UPRT: variants seen among roughly 807,000 people sequenced by gnomAD.
UPRT encodes the protein uracil phosphoribosyltransferase homolog, also known as RP11-311P8.3.
UPRT carries 5 observed loss-of-function variants against 22.6 expected under a neutral mutation model. That is an observed-to-expected ratio of 0.22 (90% CI 0.12 to 0.47). UPRT has a LOEUF of 0.47. Ranked by LOEUF, UPRT falls within the 20% of genes least tolerant of loss-of-function variation. The pLI is 0.99. For missense variants in UPRT, 181 were observed against 239.9 expected (o/e 0.75, Z 1.62); for synonymous variants, 77 against 87.7 (o/e 0.88, Z 0.68).
intron 4 of UPRT, among the ~76,000 whole-genome samples, chrX:75,191,942 C>T (rs1419010623): frequency 8.1e-5 from 9 of 111,276 alleles, no homozygotes; most frequent in South Asian, 3.9e-4. Context: ...CTTTGGCTCT[C>T]GCTTGGTGGG....
At chrX:75,288,624 C>T (rs1221200755) in intron 1 of UPRT, among the ~76,000 whole-genome samples, 1 of 111,595 alleles carries the variant, frequency 9.0e-6, no homozygotes, top group African/African-American at 3.3e-5. Context: ...TAAAGTATAC[C>T]ATCCATTTAT....
intron 1 of UPRT, among the ~76,000 whole-genome samples, chrX:75,283,044 T>C (rs2082664908): frequency 8.9e-6 from 1 of 112,224 alleles, no homozygotes; most frequent in Admixed American, 9.4e-5. Flanking sequence ...TTTGTCTTTG[T>C]TAACTGCTGT....
At chrX:75,245,494 A>G (rs917468376) in intron 4 of UPRT, among the ~76,000 whole-genome samples, 7 of 111,963 alleles carry the variant, frequency 6.3e-5, no homozygotes, top group Admixed American at 1.9e-4. Flanking sequence ...ATGCAAATTT[A>G]TGTTCACTGC....
chrX:75,259,671 G>T (rs2082561362), intron 4 of UPRT, among the ~76,000 whole-genome samples: 1 of 111,063 alleles, frequency 9.0e-6, no homozygotes, highest in African/African-American at 3.3e-5. Flanking sequence ...ATGGAAACAA[G>T]TTGGAAAACA....
At chrX:75,217,831 C>T (rs1210855936) in intron 4 of UPRT, among the ~76,000 whole-genome samples, 1 of 112,035 alleles carries the variant, frequency 8.9e-6, no homozygotes, top group Non-Finnish European at 1.9e-5. Context: ...ACTGGCTAGC[C>T]AGATGTAGAA....
chrX:75,252,634 C>T (rs181180838), intron 4 of UPRT, among the ~76,000 whole-genome samples: 56 of 111,844 alleles, frequency 5.0e-4, no homozygotes, highest in Middle Eastern at 9.1e-3. Flanking sequence ...GTCAGTGTGG[C>T]GATTCCACTA....
At chrX:75,160,770 C>A (rs2082196825) in intron 2 of UPRT, among the ~76,000 whole-genome samples, 2 of 112,113 alleles carry the variant, frequency 1.8e-5, no homozygotes, top group Non-Finnish European at 3.8e-5. Context: ...ATCAAGTGAT[C>A]CTCTTGCCTC....
At chrX:75,287,472 G>A (rs1014221687) in intron 1 of UPRT, among the ~76,000 whole-genome samples, 1 of 111,644 alleles carries the variant, frequency 9.0e-6, no homozygotes, top group African/African-American at 3.2e-5. Flanking sequence ...GTTTCATGTT[G>A]TTTTGGGTCT....
chrX:75,169,645 A>G (rs1024013573), intron 4 of UPRT, among the ~76,000 whole-genome samples: 83 of 111,971 alleles, frequency 7.4e-4, no homozygotes, highest in African/African-American at 2.6e-3. Flanking sequence ...AGTACCTGAT[A>G]TAATTTTGAT....
Position 75,253,186 on chromosome X carries a change from TATA to T in UPRT, c.-446-37827_-446-37825del, listed in dbSNP as rs1174266166. ...TGCACATGTACCCTAATACTTAAAGTATAATAATAATAAAATTTAAAAAAAGAA... is the reference window on the plus strand; with the variant it reads ...TGCACATGTACCCTAATACTTAAAGTATAATAATAAAATTTAAAAAAAGAA... On this transcript the variant is annotated intron_variant, in intron 4 of 13. Coordinates refer to the UPRT transcript ENST00000652605. Among the ~76,000 whole-genome samples the T allele has an allele frequency of 3.6e-5, 4 of 111,229 alleles. No individual in the cohort carries two copies. The Admixed American group carries it at 3.8e-4, about 11-fold the overall frequency.
chrX:75,180,068 C>A (rs990403989), intron 4 of UPRT, among the ~76,000 whole-genome samples: 1 of 112,711 alleles, frequency 8.9e-6, no homozygotes, highest in Admixed American at 9.3e-5. Flanking sequence ...ACTGCCAGCA[C>A]GCTGTCACCT....
rs373403980 is a variant in UPRT, at chrX:75,186,503, G to T, written c.-447+18624G>T. Among the ~76,000 whole-genome samples the T allele has an allele frequency of 6.3e-5, 7 of 111,803 alleles. No individual in the cohort carries two copies. In the East Asian group the frequency reaches 1.1e-3, roughly 18 times the overall value. ...CTGAAAAAAATGTATATTCTGTTGA[G>T]TTGGGGTGGAGAGTTCTGTAAATGT... On this transcript the variant is annotated intron_variant, in intron 4 of 13. Transcript: ENST00000652605.
chrX:75,168,028 A>G (rs1160848097), intron 4 of UPRT, among the ~76,000 whole-genome samples: 2 of 112,343 alleles, frequency 1.8e-5, no homozygotes, highest in African/African-American at 6.5e-5. Context: ...TGAAATAATT[A>G]GCAAGTATCA....
chrX:75,234,915 A>G (rs11093501), intron 4 of UPRT, among the ~76,000 whole-genome samples: 3,432 of 111,454 alleles, frequency 0.031, 143 homozygotes, highest in African/African-American at 0.11. Flanking sequence ...AAGCTAGCAG[A>G]AGGCAAGAAA....
intron 4 of UPRT, among the ~76,000 whole-genome samples, chrX:75,206,872 G>A (rs1378285173): frequency 9.0e-6 from 1 of 111,719 alleles, no homozygotes; most frequent in Non-Finnish European, 1.9e-5. Flanking sequence ...CACCGTGTTA[G>A]CTAGGATGGT....
intron 4 of UPRT, among the ~76,000 whole-genome samples, chrX:75,212,552 A>G (rs756403304): frequency 8.9e-6 from 1 of 112,449 alleles, no homozygotes; most frequent in East Asian, 2.8e-4. Context: ...AGGCCCATCA[A>G]TGATAGACTG....
intron 4 of UPRT, among the ~76,000 whole-genome samples, chrX:75,173,505 C>T (rs999206019): frequency 8.9e-6 from 1 of 112,611 alleles, no homozygotes; most frequent in Non-Finnish European, 1.9e-5. Context: ...CTCCACGTCC[C>T]CACCAGACTC....
chrX:75,187,157 G>A (rs1022522858), intron 4 of UPRT, among the ~76,000 whole-genome samples: 12 of 111,634 alleles, frequency 1.1e-4, no homozygotes, highest in Non-Finnish European at 2.3e-4. Flanking sequence ...GCAGCAGGTG[G>A]TACCGGTTGT....
At chrX:75,208,695 G>A (rs1394302368) in intron 4 of UPRT, among the ~76,000 whole-genome samples, 1 of 111,421 alleles carries the variant, frequency 9.0e-6, no homozygotes, top group Admixed American at 9.5e-5. Flanking sequence ...TGTGGGAAGA[G>A]TTTACAGGCT....
Sources: allele counts gnomAD v4.1 joint callset (sites outside exome capture counted in the v4.1 genomes callset), GRCh38; gene constraint gnomAD v4.1.1; transcripts MANE v1.5; gene names NCBI Gene and HGNC (gene_info 2026-07-23, HGNC 2026-07-21).